Variants in LRRTM4 observed in about 807,000 individuals in gnomAD.
LRRTM4 encodes the protein leucine rich repeat transmembrane neuronal 4, also known as leucine-rich repeat transmembrane neuronal protein 4.
A neutral mutation model predicts 47.6 loss-of-function variants in LRRTM4; 25 were observed. That is an observed-to-expected ratio of 0.53 (90% CI 0.38 to 0.73). The LOEUF is 0.73. Among genes scored for constraint, LRRTM4 ranks in the 30% least tolerant of loss-of-function variants. The pLI is 0.00. For missense variants in LRRTM4, 638 were observed against 713.4 expected (o/e 0.89, Z 1.20); for synonymous variants, 311 against 269.5 (o/e 1.15, Z -1.51).
chr2:77,036,182 G>C (rs551140479), intron 3 of LRRTM4, among the ~76,000 whole-genome samples: 1 of 151,684 alleles, frequency 6.6e-6, no homozygotes, highest in African/African-American at 2.4e-5. Flanking sequence ...TGGAATGAGG[G>C]ACAAAACTGA....
intron 3 of LRRTM4, among the ~76,000 whole-genome samples, chr2:77,173,913 G>C (rs1286272103): frequency 1.3e-5 from 2 of 152,196 alleles, no homozygotes; most frequent in African/African-American, 4.8e-5. Context: ...AGAAGGAAAA[G>C]AGCTGGCATT....
rs1207404561 is a variant in LRRTM4, at chr2:77,133,895, C to T, written c.1551+384423G>A. ...TTTGTTCTATTGTGTTTTCCATATG[C>T]ATACTGGAGAAATTATAAACCATTC... On this transcript the variant is annotated intron_variant, in intron 3 of 3. Transcript: ENST00000409884. 2.0e-5 allele frequency among the ~76,000 whole-genome samples: 3 copies of T among 152,004 alleles called. No homozygotes were observed. In the East Asian group the frequency reaches 5.8e-4, roughly 29 times the overall value.
At chr2:76,773,496 T>C (rs984986799) in intron 3 of LRRTM4, among the ~76,000 whole-genome samples, 6 of 152,178 alleles carry the variant, frequency 3.9e-5, no homozygotes, top group African/African-American at 1.2e-4. Flanking sequence ...AAAAGTAAAA[T>C]CACACATTTT....
intron 3 of LRRTM4, among the ~76,000 whole-genome samples, chr2:77,419,093 T>C (rs1009575599): frequency 9.9e-5 from 15 of 152,212 alleles, no homozygotes; most frequent in African/African-American, 3.6e-4. Flanking sequence ...ACACAATATA[T>C]AGTAGACACA....
Position 76,807,892 on chromosome 2 carries a change from CTTCTTTACTTTTCTTTCTTTTCTTTCCT to C in LRRTM4, c.1552-59004_1552-58977del, listed in dbSNP as rs570658117. Among the ~76,000 whole-genome samples, 791 of 149,252 alleles carry C rather than the reference CTTCTTTACTTTTCTTTCTTTTCTTTCCT, an allele frequency of 5.3e-3. 2 individuals are homozygous for C. The highest frequency in any genetic ancestry group is 0.015 in the Middle Eastern group (4 of 268). ...CACCGCACCCGGCCTATTTTCTTTT[CTTCTTTACTTTTCTTTCTTTTCTTTCCT>C]TTCTTTCCTTTCCTTTCTTTCTTTC... is the stretch of plus-strand genomic sequence containing the variant. On this transcript the variant is annotated intron_variant, in intron 3 of 3. Transcript: ENST00000409884.
intron 3 of LRRTM4, among the ~76,000 whole-genome samples, chr2:76,906,369 C>G (rs1230571406): frequency 1.3e-5 from 2 of 152,054 alleles, no homozygotes; most frequent in Non-Finnish European, 2.9e-5. Flanking sequence ...AAAGGAACAA[C>G]CAGTACCAGA....
At chr2:77,427,168 G>T (rs1675156204) in intron 3 of LRRTM4, among the ~76,000 whole-genome samples, 2 of 151,966 alleles carry the variant, frequency 1.3e-5, no homozygotes, top group Admixed American at 1.3e-4. Context: ...TAGTGGAGAT[G>T]AGGTTTCATC....
At chr2:77,103,219 A>G (rs1179880008) in intron 3 of LRRTM4, among the ~76,000 whole-genome samples, 1 of 152,184 alleles carries the variant, frequency 6.6e-6, no homozygotes, top group Non-Finnish European at 1.5e-5. Context: ...GCTGCTAACA[A>G]GGGAGGCTAT....
At chr2:77,057,670 T>C (rs373204409) in intron 3 of LRRTM4, among the ~76,000 whole-genome samples, 2 of 152,148 alleles carry the variant, frequency 1.3e-5, no homozygotes, top group South Asian at 4.1e-4. Flanking sequence ...AAAACGCAAG[T>C]GCCCTTCCCC....
intron 3 of LRRTM4, among the ~76,000 whole-genome samples, chr2:76,868,208 A>G (rs916010587): frequency 6.6e-6 from 1 of 152,210 alleles, no homozygotes; most frequent in African/African-American, 2.4e-5. Flanking sequence ...TATGATTTCC[A>G]TCCAAAAATC....
At chr2:76,929,231 GTTTGC>G (rs1365780882) in intron 3 of LRRTM4, among the ~76,000 whole-genome samples, 2 of 152,072 alleles carry the variant, frequency 1.3e-5, no homozygotes, top group Non-Finnish European at 2.9e-5. Context: ...AAGAGGTTTT[GTTTGC>G]TTTGTTTTGT....
intron 3 of LRRTM4, among the ~76,000 whole-genome samples, chr2:76,934,409 G>A (rs1674872644): frequency 6.6e-6 from 1 of 151,944 alleles, no homozygotes; most frequent in Non-Finnish European, 1.5e-5. Flanking sequence ...ATGTGACTAG[G>A]GACATAACAA....
intron 3 of LRRTM4, among the ~76,000 whole-genome samples, chr2:76,829,807 C>A (rs1671297157): frequency 6.6e-6 from 1 of 152,026 alleles, no homozygotes; most frequent in African/African-American, 2.4e-5. Context: ...AAGTGTGAGA[C>A]CTCTGCCTTG....
intron 3 of LRRTM4, among the ~76,000 whole-genome samples, chr2:77,491,593 T>C (rs1379522499): frequency 6.6e-6 from 1 of 151,546 alleles, no homozygotes; most frequent in Non-Finnish European, 1.5e-5. Flanking sequence ...AAAAAATTCT[T>C]CATCAATCCA....
intron 3 of LRRTM4, among the ~76,000 whole-genome samples, chr2:77,164,166 C>A (rs1672812818): frequency 1.3e-5 from 2 of 152,128 alleles, no homozygotes; most frequent in African/African-American, 4.8e-5. Flanking sequence ...CAATCCTAGT[C>A]TCTGATAAAA....
intron 3 of LRRTM4, among the ~76,000 whole-genome samples, chr2:76,900,739 T>G (rs1437114194): frequency 6.6e-6 from 1 of 152,216 alleles, no homozygotes; most frequent in Non-Finnish European, 1.5e-5. Flanking sequence ...AAAGGTGGCA[T>G]ATCTATTCAA....
At chr2:76,770,947 C>G (rs894122188) in intron 3 of LRRTM4, among the ~76,000 whole-genome samples, 1 of 152,158 alleles carries the variant, frequency 6.6e-6, no homozygotes, top group African/African-American at 2.4e-5. Flanking sequence ...CAGAATGCTA[C>G]CACATGCTCC....
chr2:77,432,685 G>A (rs1030922488), intron 3 of LRRTM4, among the ~76,000 whole-genome samples: 1 of 152,096 alleles, frequency 6.6e-6, no homozygotes. Context: ...CTAGAGATAG[G>A]TAAAGAGATT....
At chr2:77,212,610 G>A (rs1415693249) in intron 3 of LRRTM4, among the ~76,000 whole-genome samples, 1 of 136,764 alleles carries the variant, frequency 7.3e-6, no homozygotes, top group African/African-American at 3.6e-5. Context: ...TAAACAAATG[G>A]TGGTATAGAA....
Sources: allele counts gnomAD v4.1 joint callset (sites outside exome capture counted in the v4.1 genomes callset), GRCh38; gene constraint gnomAD v4.1.1; transcripts MANE v1.5; gene names NCBI Gene and HGNC (gene_info 2026-07-23, HGNC 2026-07-21).